PRDM7: variants seen among roughly 807,000 people sequenced by gnomAD.
PRDM7 encodes the protein histone-lysine N-methyltransferase PRDM7.
Under a neutral mutation model 64.3 loss-of-function variants are expected in PRDM7, and 52 were observed. That is an observed-to-expected ratio of 0.81 (90% CI 0.65 to 1.02). The LOEUF (loss-of-function observed/expected upper bound fraction) is 1.02. PRDM7 is among the 50% of genes least tolerant of loss of function. The pLI is 0.00. For missense variants in PRDM7, 574 were observed against 597.1 expected (o/e 0.96, Z 0.40); for synonymous variants, 192 against 210.1 (o/e 0.91, Z 0.74).
Position 90,075,977 on chromosome 16 carries a change from G to C in PRDM7, c.-67C>G. On this transcript the variant is annotated 5_prime_UTR_variant, in exon 2 of 11. Coordinates refer to ENST00000449207, the MANE Select transcript of PRDM7 (RefSeq NM_001098173.2). This position sits in a 1 kb window ranked among gnomAD's most constrained non-coding sequence, Gnocchi z 4.3. ...GTGGGAAGGGCCCCTGAGTCTCCCAGCTCCTAGGCCAAAGGCTCCTGTGGA... is the reference window on the plus strand; with the variant it reads ...GTGGGAAGGGCCCCTGAGTCTCCCACCTCCTAGGCCAAAGGCTCCTGTGGA... 1 of 1,540,762 alleles carries C rather than the reference G, an allele frequency of 6.5e-7. No homozygotes were observed. Among genetic ancestry groups the C allele is most frequent in the South Asian group, 1.2e-5 (1 of 86,184 alleles).
At chr16:90,060,870 C>T (rs542422855) in intron 9 of PRDM7, among the ~76,000 whole-genome samples, 1 of 152,310 alleles carries the variant, frequency 6.6e-6, no homozygotes, top group South Asian at 2.1e-4. Flanking sequence ...TGCTCTGCTT[C>T]TAGATTAGCT....
In PRDM7 at chr16:90,063,600, A is replaced by G. The variant is rs765472236; in HGVS notation, c.508+12T>C. The stretch of plus-strand genomic sequence containing the variant: ...CATAGAGGGACTAAATTCCCCTCAA[A>G]TTTTTTCTTACCCAGTTTTAGTCTA... On this transcript the variant is annotated intron_variant, in intron 6 of 10. Transcript: ENST00000449207. 9.9e-6 allele frequency: 16 copies of G among 1,612,280 alleles called. No individual in the cohort carries two copies. Among genetic ancestry groups the G allele is most frequent in the Non-Finnish European group, 1.4e-5 (16 of 1,179,844 alleles).
intron 4 of PRDM7, among the ~76,000 whole-genome samples, chr16:90,073,126 C>A (rs777374918): frequency 1.3e-5 from 2 of 152,112 alleles, no homozygotes; most frequent in African/African-American, 4.8e-5. Flanking sequence ...ATCAGGGCAA[C>A]TAAACAGCTC....
chr16:90,073,600 C>T (rs1317897695), intron 4 of PRDM7, among the ~76,000 whole-genome samples: 1 of 151,930 alleles, frequency 6.6e-6, no homozygotes, highest in African/African-American at 2.4e-5. Context: ...GGGGTTTCAC[C>T]GTGTTAGCCA....
rs146209321 is a variant in PRDM7 at position 90,065,882 on chromosome 16, T to G, written c.351+979A>C. ...GTTTAATTCATAAGCTTGGAATCAA[T>G]CATTCAGAAAACACTCAGGAGGCTC... On this transcript the variant is annotated intron_variant, in intron 5 of 10. Coordinates refer to ENST00000449207, the MANE Select transcript of PRDM7 (RefSeq NM_001098173.2). Among the ~76,000 whole-genome samples the G allele has an allele frequency of 9.0e-4, 137 of 151,450 alleles. 5 individuals carry two copies. The highest frequency in any genetic ancestry group is 7.0e-3 in the Admixed American group (107 of 15,242).
Position 90,075,634 on chromosome 16 carries a change from C to T in PRDM7, c.70-160G>A, listed in dbSNP as rs2038026109. Reference sequence around the variant, plus strand: ...CCAGATTGTGTCCTGTTTAACTGAGCAGACACTGAGCATTTTCCTAGCTCT... The same window carrying T: ...CCAGATTGTGTCCTGTTTAACTGAGTAGACACTGAGCATTTTCCTAGCTCT... On this transcript the variant is annotated intron_variant, in intron 2 of 10. Transcript: ENST00000449207. The surrounding 1 kb of genome is among the most constrained non-coding windows in gnomAD (Gnocchi z 4.3). Among the ~76,000 whole-genome samples the T allele has an allele frequency of 6.6e-6, 1 of 152,200 alleles. No individual in the cohort carries two copies. The highest frequency in any genetic ancestry group is 6.5e-5 in the Admixed American group (1 of 15,280).
At chr16:90,063,346 G>T (rs2037814232) in intron 6 of PRDM7, among the ~76,000 whole-genome samples, 1 of 152,172 alleles carries the variant, frequency 6.6e-6, no homozygotes, top group Admixed American at 6.5e-5. Flanking sequence ...ACTGAGGCAT[G>T]AAAATCGCTA....
rs561107923 is a variant in PRDM7, at chr16:90,065,773, A to G, written c.351+1088T>C. Among the ~76,000 whole-genome samples the G allele has an allele frequency of 4.0e-5, 6 of 151,388 alleles. No individual in the cohort carries two copies. The South Asian group carries it at 1.2e-3, about 31-fold the overall frequency. ...CCCCTGTAGAAAAATAACAAACGAA[A>G]ATTATCTCATAGTCCTGATATATCT... On this transcript the variant is annotated intron_variant, in intron 5 of 10. Coordinates refer to ENST00000449207, the MANE Select transcript of PRDM7 (RefSeq NM_001098173.2).
chr16:90,060,708 T>C, intron 9 of PRDM7, 85 bp from the exon 10 acceptor site: 1 of 1,566,444 alleles, frequency 6.4e-7, no homozygotes, highest in Non-Finnish European at 8.8e-7. Flanking sequence ...CTGCCTAGAA[T>C]GCTTCCCTGC....
chr16:90,058,151 C>A lies in PRDM7; in HGVS notation c.*138G>T. ...ATTCCTACCCCCACAAATAATTTGC[C>A]TGTGTTCCCTGGATTCACTTTCTGG... On this transcript the variant is annotated 3_prime_UTR_variant, in exon 11 of 11. Coordinates refer to ENST00000449207, the MANE Select transcript of PRDM7 (RefSeq NM_001098173.2). 4.3e-6 allele frequency: 7 copies of A among 1,614,218 alleles called. No individual in the cohort carries two copies. The highest frequency in any genetic ancestry group is 5.9e-6 in the Non-Finnish European group (7 of 1,180,030).
In PRDM7 at chr16:90,062,453, T is replaced by C. The variant is rs2037798600; in HGVS notation, c.558A>G (p.Arg186=). The part of the protein sequence containing the change: ...TEGKMYSLRE[R]KGHAYKEISE... ...TGATCTCTTTGTATGCATGACCCTT[T>C]CTTTCTCGCAGGCTATACATCTTTC... The change falls in exon 7 of 11, where the codon AGA becomes AGG. Residue 186 remains arginine (R), a synonymous_variant. Coordinates refer to ENST00000449207, the MANE Select transcript of PRDM7 (RefSeq NM_001098173.2). 1 of 1,614,068 alleles carries C rather than the reference T, an allele frequency of 6.2e-7. No homozygotes were observed. Among genetic ancestry groups the C allele is most frequent in the Admixed American group, 1.7e-5 (1 of 60,008 alleles).
At position 90,075,751 on chromosome 16, in the gene PRDM7, C is replaced by G. The variant is rs2038027350; in HGVS notation, c.69+91G>C. ...TGCCCCCATTCCATGCACATTCAGACAGAGTCACCCAAGGGTACAGGCCAG... is the reference window on the plus strand; with the variant it reads ...TGCCCCCATTCCATGCACATTCAGAGAGAGTCACCCAAGGGTACAGGCCAG... On this transcript the variant is annotated intron_variant, in intron 2 of 10. Transcript: ENST00000449207. The surrounding 1 kb of genome is among the most constrained non-coding windows in gnomAD (Gnocchi z 4.3). The G allele has an allele frequency of 6.7e-7, 1 of 1,499,552 alleles. No homozygotes were observed. The highest frequency in any genetic ancestry group is 9.2e-7 in the Non-Finnish European group (1 of 1,092,554). 92.9% of individuals were successfully genotyped at this position (1,499,552 alleles called of 1,614,324 possible).
Position 90,062,450 on chromosome 16 carries a change from C to T in PRDM7, c.561G>A (p.Lys187=). 1 of 1,614,150 alleles carries T rather than the reference C, an allele frequency of 6.2e-7. No homozygotes were observed. Among genetic ancestry groups the T allele is most frequent in the Non-Finnish European group, 8.5e-7 (1 of 1,180,046 alleles). Residue 187 remains lysine (K), a synonymous_variant, in exon 7 of 11, where the codon AAG becomes AAA. Coordinates refer to ENST00000449207, the MANE Select transcript of PRDM7 (RefSeq NM_001098173.2). The part of the protein sequence containing the change: ...EGKMYSLRER[K]GHAYKEISEP... ...CGCTGATCTCTTTGTATGCATGACC[C>T]TTTCTTTCTCGCAGGCTATACATCT...
Position 90,074,940 on chromosome 16 carries a change from C to T in PRDM7, c.277G>A (p.Glu93Lys). Residue 93 changes from glutamate to lysine, a missense_variant, in exon 4 of 11, where the codon GAA (glutamate) becomes AAA (lysine). By Grantham distance (56) the Glu-to-Lys change is moderately conservative. Transcript: ENST00000449207. Reference protein sequence around the residue: ...LQVDDTEDSDEEWTPRQQVKP... With the variant: ...LQVDDTEDSDKEWTPRQQVKP... Reference sequence around the variant, plus strand: ...CCTTGCTGCCTAGGTGTCCATTCTTCATCGGAATCTTCTGTGTCATCCACC... The same window carrying T: ...CCTTGCTGCCTAGGTGTCCATTCTTTATCGGAATCTTCTGTGTCATCCACC... 2 of 1,614,102 alleles carry T rather than the reference C, an allele frequency of 1.2e-6. No individual in the cohort carries two copies. Among genetic ancestry groups the T allele is most frequent in the South Asian group, 1.1e-5 (1 of 91,076 alleles).
chr16:90,063,875 T>C (rs756028137), intron 5 of PRDM7, 107 bp from the exon 6 acceptor site: 40 of 1,353,322 alleles, frequency 3.0e-5, no homozygotes, highest in Non-Finnish European at 4.1e-5. Flanking sequence ...ACCTTGGAAA[T>C]ACCTAGAGTG....
chr16:90,062,771 A>T (rs2037804848), intron 6 of PRDM7, among the ~76,000 whole-genome samples: 1 of 152,162 alleles, frequency 6.6e-6, no homozygotes. Context: ...GCATTTATTT[A>T]TTCAGAAAAT....
rs552582890 is a variant in PRDM7, at chr16:90,070,471, C to G, written c.302-3561G>C. On this transcript the variant is annotated intron_variant, in intron 4 of 10. Coordinates refer to ENST00000449207, the MANE Select transcript of PRDM7 (RefSeq NM_001098173.2). ...AGCTGATGTGCCCCTGTAGTCCCAG[C>G]TATGTGGGGGGCTGAGGCAGGAGAA... is the stretch of plus-strand genomic sequence containing the variant. Among the ~76,000 whole-genome samples the G allele has an allele frequency of 4.0e-5, 6 of 151,138 alleles. No individual in the cohort carries two copies. In the South Asian group the frequency reaches 1.2e-3, roughly 31 times the overall value.
At position 90,074,909 on chromosome 16, in the gene PRDM7, C is replaced by T; in HGVS notation, c.301+7G>A. On this transcript the variant is annotated splice_region_variant and intron_variant, in intron 4 of 10. Transcript: ENST00000449207. The stretch of plus-strand genomic sequence containing the variant: ...AAAAAAAAAATCCTCCTTCCCTTCC[C>T]TCTTACCTTGCTGCCTAGGTGTCCA... The T allele has an allele frequency of 6.2e-7, 1 of 1,613,668 alleles. No individual in the cohort carries two copies. Among genetic ancestry groups the T allele is most frequent in the Non-Finnish European group, 8.5e-7 (1 of 1,179,680 alleles).
At chr16:90,062,296 T>C in intron 7 of PRDM7, 104 bp from the exon 8 acceptor site, 3 of 1,613,752 alleles carry the variant, frequency 1.9e-6, no homozygotes, top group Non-Finnish European at 1.7e-6. Context: ...CCCAATCCTG[T>C]ACTTTAATTC....
Sources: gnomAD v4.1 joint callset for allele counts (sites outside exome capture counted in the v4.1 genomes callset) on GRCh38, gnomAD v4.1.1 for gene constraint, Gnocchi (gnomAD v3.1) non-coding constraint, MANE v1.5 for transcripts, NCBI Gene and HGNC (gene_info 2026-07-23, HGNC 2026-07-21) for gene names.